The following PHF14 variants were observed in gnomAD, a reference collection of about 807,000 sequenced individuals.
The protein encoded by PHF14 is PHD finger protein 14.
A neutral mutation model predicts 117.9 loss-of-function variants in PHF14; 55 were observed. The ratio of observed to expected loss-of-function variants is 0.47; its 90% CI spans 0.38 to 0.58. PHF14 has a LOEUF of 0.58. Ranked by LOEUF, PHF14 falls within the 20% of genes least tolerant of loss-of-function variation. PHF14 has a pLI of 0.00. For synonymous variants in PHF14, 409 were observed against 368.6 expected (o/e 1.11, Z -1.26); for missense variants, 978 against 1,122.2 (o/e 0.87, Z 1.84).
Position 11,023,329 on chromosome 7 carries a change from A to G in PHF14, c.1317+350A>G, listed in dbSNP as rs895025954. Among the ~76,000 whole-genome samples, 9 of 152,218 alleles carry G rather than the reference A, an allele frequency of 5.9e-5. 1 individual carries two copies. The highest frequency in any genetic ancestry group is 2.2e-4 in the African/African-American group (9 of 41,460). ...CTTTACTTTTGAAGTGGAATTTGTC[A>G]AAATTATGAAAAAGAATATTAGAAG... On this transcript the variant is annotated intron_variant, in intron 6 of 17. Transcript: ENST00000634607.
In PHF14 at chr7:11,089,792, C is replaced by T. The variant is rs145624236; in HGVS notation, c.2655-21558C>T. ...TTTTTTTTTTTTTTTTTTTTTGAGACGGAGTTTCACTCTTGTTGCCCAGGC... is the reference window on the plus strand; with the variant it reads ...TTTTTTTTTTTTTTTTTTTTTGAGATGGAGTTTCACTCTTGTTGCCCAGGC... On this transcript the variant is annotated intron_variant, in intron 16 of 17. Transcript: ENST00000634607. 2.0e-4 allele frequency among the ~76,000 whole-genome samples: 21 copies of T among 106,878 alleles called. 1 individual carries two copies. The highest frequency in any genetic ancestry group is 5.8e-4 in the African/African-American group (16 of 27,746). 70.1% of individuals were successfully genotyped at this position (106,878 alleles called of 152,430 possible).
chr7:11,145,375 A>G (rs889684900), intron 17 of PHF14, among the ~76,000 whole-genome samples: 18 of 152,100 alleles, frequency 1.2e-4, no homozygotes, highest in Admixed American at 3.3e-4. Flanking sequence ...TATATCCTTC[A>G]TATCTGAAAA....
chr7:11,069,666 C>G (rs1785543885), intron 16 of PHF14, among the ~76,000 whole-genome samples: 1 of 118,800 alleles, frequency 8.4e-6, no homozygotes, highest in South Asian at 3.6e-4. Context: ...CCTCCCTTTC[C>G]GTCCCCTCCC....
intron 16 of PHF14, chr7:11,106,304 C>G (rs1787260450): frequency 1.0e-6 from 1 of 973,852 alleles, no homozygotes; most frequent in Middle Eastern, 5.3e-4. Flanking sequence ...TTTCTTACTA[C>G]CCATTCATTC....
chr7:11,065,778 C>T (rs753268920), intron 16 of PHF14, among the ~76,000 whole-genome samples: 2 of 152,070 alleles, frequency 1.3e-5, no homozygotes, highest in African/African-American at 2.4e-5. Flanking sequence ...AACTTCTAAA[C>T]CTCAAATTTT....
chr7:11,006,845 G>A (rs768151777), intron 4 of PHF14: 7 of 666,276 alleles, frequency 1.1e-5, no homozygotes, highest in Non-Finnish European at 1.9e-5. Flanking sequence ...AGGGACAGGA[G>A]CTTCCTTCAC....
intron 7 of PHF14, among the ~76,000 whole-genome samples, chr7:11,029,165 C>A (rs1454385313): frequency 1.3e-5 from 2 of 151,994 alleles, no homozygotes; most frequent in Non-Finnish European, 2.9e-5. Flanking sequence ...ATTTGGGTAA[C>A]CTTGCTCTAT....
chr7:11,028,760 A>G lies in PHF14; in HGVS notation c.1397A>G (p.Tyr466Cys), dbSNP rs2128320252. 1 of 1,613,812 alleles carries G rather than the reference A, an allele frequency of 6.2e-7. No individual in the cohort carries two copies. Reference sequence around the variant, plus strand: ...TGTGATGCAGGGATGTGCAGAGCCTATTTCCATGTGACCTGTGCTCAAAAG... The same window carrying G: ...TGTGATGCAGGGATGTGCAGAGCCTGTTTCCATGTGACCTGTGCTCAAAAG... ...ISCDAGMCRA[Y>C]FHVTCAQKEG... The change falls in exon 7 of 18, where the codon TAT (tyrosine) becomes TGT (cysteine). Residue 466 changes from tyrosine to cysteine, a missense_variant. Physicochemically the swap from Tyr to Cys is radical, Grantham distance 194. Around this residue, in one of 7 missense-constraint regions of PHF14, gnomAD observed 23 missense variants for 66.8 expected, o/e 0.34. Transcript: ENST00000634607.
chr7:10,975,872 T>A (rs540088898), intron 2 of PHF14, among the ~76,000 whole-genome samples: 8 of 152,332 alleles, frequency 5.3e-5, no homozygotes, highest in Admixed American at 6.5e-5. Flanking sequence ...GGTTTTCCCT[T>A]GTCTTTTTCC....
intron 16 of PHF14, among the ~76,000 whole-genome samples, chr7:11,073,523 T>A (rs939940379): frequency 3.3e-5 from 5 of 152,318 alleles, no homozygotes; most frequent in African/African-American, 1.2e-4. Flanking sequence ...TTCAGCCCCC[T>A]TGGCTGCTCT....
intron 17 of PHF14, among the ~76,000 whole-genome samples, chr7:11,133,911 T>C (rs1315950542): frequency 6.6e-6 from 1 of 152,068 alleles, no homozygotes; most frequent in Non-Finnish European, 1.5e-5. Flanking sequence ...TTTGAACTTT[T>C]ATTAAGGTAA....
chr7:11,076,628 C>T (rs1015613456), intron 16 of PHF14, among the ~76,000 whole-genome samples: 7 of 139,554 alleles, frequency 5.0e-5, no homozygotes, highest in East Asian at 4.4e-4. Flanking sequence ...AGTGCAGTGG[C>T]GTGATCTCAG....
chr7:11,075,519 G>A (rs1016836520), intron 16 of PHF14, among the ~76,000 whole-genome samples: 3 of 146,396 alleles, frequency 2.0e-5, no homozygotes, highest in East Asian at 2.0e-4. Context: ...ACTAGCTTTT[G>A]TGTGAATTAA....
chr7:11,063,959 A>G (rs1409985453), intron 16 of PHF14, among the ~76,000 whole-genome samples: 1 of 151,934 alleles, frequency 6.6e-6, no homozygotes, highest in East Asian at 1.9e-4. Flanking sequence ...AAAATAATGG[A>G]TATGCAAAGT....
chr7:11,080,474 TC>T (rs1786054304), intron 16 of PHF14, among the ~76,000 whole-genome samples: 1 of 152,134 alleles, frequency 6.6e-6, no homozygotes, highest in South Asian at 2.1e-4. Context: ...CATCAGTAGT[TC>T]CTTTTCACTC....
intron 16 of PHF14, chr7:11,108,405 G>C (rs1787340032): frequency 6.6e-6 from 1 of 151,304 alleles, no homozygotes; most frequent in African/African-American, 2.4e-5. Context: ...ACTACTTTTT[G>C]CTACTTAGTC....
intron 5 of PHF14, among the ~76,000 whole-genome samples, chr7:11,019,462 A>G (rs1029099336): frequency 2.6e-5 from 4 of 152,046 alleles, no homozygotes; most frequent in South Asian, 2.1e-4. Context: ...TCATGGTTCA[A>G]TCTTGGTAGG....
intron 7 of PHF14, among the ~76,000 whole-genome samples, chr7:11,034,806 C>G (rs1352569906): frequency 6.6e-6 from 1 of 151,904 alleles, no homozygotes; most frequent in Non-Finnish European, 1.5e-5. Flanking sequence ...GCCTCGGTCT[C>G]CCAAAGTGCT....
At chr7:10,981,435 C>T (rs1782040769) in intron 2 of PHF14, among the ~76,000 whole-genome samples, 3 of 152,254 alleles carry the variant, frequency 2.0e-5, no homozygotes, top group Admixed American at 6.5e-5. Context: ...AGAATGATTA[C>T]TGAGTACTTA....
Sources: gnomAD v4.1 joint callset for allele counts (sites outside exome capture counted in the v4.1 genomes callset) on GRCh38, gnomAD v4.1.1 for gene constraint, gnomAD v4.1.1 regional missense constraint, MANE v1.5 for transcripts, NCBI Gene and HGNC (gene_info 2026-07-23, HGNC 2026-07-21) for gene names.